TFEC: variants seen among roughly 807,000 people sequenced by gnomAD.
The protein encoded by TFEC is transcription factor EC.
TFEC carries 31 observed loss-of-function variants against 41.6 expected under a neutral mutation model. That is an observed-to-expected ratio of 0.74 (90% CI 0.56 to 1.01). TFEC has a LOEUF of 1.01. Among genes scored for constraint, TFEC ranks in the 50% least tolerant of loss-of-function variants. TFEC has a pLI of 0.00. For synonymous variants in TFEC, 143 were observed against 140.6 expected, an observed-to-expected ratio of 1.02 and a Z score of -0.12; for missense variants, 402 against 404.1, an observed-to-expected ratio of 0.99 and a Z score of 0.04.
intron 1 of TFEC, among the ~76,000 whole-genome samples, chr7:116,151,494 C>T (rs1301725694): frequency 1.3e-5 from 2 of 152,040 alleles, no homozygotes; most frequent in Non-Finnish European, 2.9e-5. Context: ...CCGCCCACCT[C>T]GGCCTCCCAA....
intron 1 of TFEC, among the ~76,000 whole-genome samples, chr7:115,994,711 G>T (rs1217332017): frequency 6.6e-6 from 1 of 152,124 alleles, no homozygotes; most frequent in East Asian, 1.9e-4. Context: ...GTGCTGGAGA[G>T]GATGTGGAGA....
chr7:115,946,040 TTAGA>T (rs764460009), intron 6 of TFEC, among the ~76,000 whole-genome samples: 5 of 151,806 alleles, frequency 3.3e-5, no homozygotes, highest in African/African-American at 9.7e-5. Flanking sequence ...AAAGGAGTCT[TTAGA>T]TAAAGTTTTT....
At chr7:116,093,688 C>T (rs1043931533) in intron 3 of TFEC, among the ~76,000 whole-genome samples, 10 of 152,064 alleles carry the variant, frequency 6.6e-5, no homozygotes, top group African/African-American at 2.4e-4. Context: ...TAGACAAATC[C>T]CTGTCTTCTC....
chr7:115,954,001 TGACCAAGCATTC>T (rs1792083759), intron 5 of TFEC, among the ~76,000 whole-genome samples: 1 of 152,088 alleles, frequency 6.6e-6, no homozygotes. Context: ...ATTTAAGACA[TGACCAAGCATTC>T]TAAAGCTCAG....
rs945164332 is a variant in TFEC, at chr7:115,937,533, C to G, written c.*3018G>C. 1 of 151,658 alleles carries G rather than the reference C, an allele frequency of 6.6e-6. No individual in the cohort carries two copies. Among genetic ancestry groups the G allele is most frequent in the Non-Finnish European group, 1.5e-5 (1 of 67,748 alleles). 9.4% of individuals were successfully genotyped at this position (151,658 alleles called of 1,614,324 possible). On this transcript the variant is annotated 3_prime_UTR_variant, in exon 8 of 8. Coordinates refer to ENST00000265440, the MANE Select transcript of TFEC (RefSeq NM_012252.4). ...GTTATGGTCAGATGTTTATAACACT[C>G]AGTAATTATAGTGAAACTGACCCAT...
rs571543595 is a variant in TFEC, at chr7:115,946,922, A to T, written c.515+3952T>A. ...AGAAAAAAGTTCTCAGTTTTTTTTT[A>T]AATTTATTATTATTATACTTTAAGT... is the stretch of plus-strand genomic sequence containing the variant. On this transcript the variant is annotated intron_variant, in intron 6 of 7. Transcript: ENST00000265440. 1.7e-4 allele frequency among the ~76,000 whole-genome samples: 25 copies of T among 151,122 alleles called. 1 individual carries two copies. The highest frequency in any genetic ancestry group is 3.4e-3 in the Middle Eastern group (1 of 294).
At chr7:115,941,761 G>T in intron 7 of TFEC, 132 bp downstream of exon 7, 1 of 1,236,088 alleles carries the variant, frequency 8.1e-7, no homozygotes, top group Non-Finnish European at 1.1e-6. Context: ...CTTCTAAAAA[G>T]CAGTAAAATT....
chr7:116,151,536 C>T (rs751706160), intron 1 of TFEC, among the ~76,000 whole-genome samples: 2 of 152,074 alleles, frequency 1.3e-5, no homozygotes, highest in Non-Finnish European at 2.9e-5. Flanking sequence ...AGCCACTGTG[C>T]CCAGACCTAG....
At chr7:115,943,994 A>C (rs554811020) in intron 6 of TFEC, among the ~76,000 whole-genome samples, 5 of 107,916 alleles carry the variant, frequency 4.6e-5, no homozygotes, top group Non-Finnish European at 1.0e-4. Context: ...GAAAGAAAAT[A>C]ATACTATGAC....
At chr7:116,043,047 G>GT (rs995201573) in intron 3 of TFEC, among the ~76,000 whole-genome samples, 21 of 152,212 alleles carry the variant, frequency 1.4e-4, no homozygotes, top group Non-Finnish European at 2.8e-4. Context: ...TGCAAAACAG[G>GT]TTTTTTGGGA....
chr7:115,983,298 T>C (rs1235906116), intron 2 of TFEC, among the ~76,000 whole-genome samples: 1 of 152,098 alleles, frequency 6.6e-6, no homozygotes, highest in African/African-American at 2.4e-5. Context: ...ATCTGCCACA[T>C]CCTTATTTTT....
At chr7:115,956,273 T>C (rs912574904) in intron 4 of TFEC, among the ~76,000 whole-genome samples, 1 of 152,030 alleles carries the variant, frequency 6.6e-6, no homozygotes, top group Non-Finnish European at 1.5e-5. Flanking sequence ...ATTTGTTTTT[T>C]ATCAAATTCT....
At chr7:115,974,282 T>C in intron 2 of TFEC, 26 bp from the exon 3 acceptor site, 1 of 1,507,152 alleles carries the variant, frequency 6.6e-7, no homozygotes, top group Non-Finnish European at 8.9e-7. Flanking sequence ...ACATTTAGAA[T>C]ATTGTACATA....
At chr7:116,067,277 TA>T (rs1445813573) in intron 3 of TFEC, among the ~76,000 whole-genome samples, 2 of 152,046 alleles carry the variant, frequency 1.3e-5, no homozygotes, top group Non-Finnish European at 2.9e-5. Context: ...GTAATATTCA[TA>T]GACGTTTCCA....
rs1410550528 is a variant in TFEC, at chr7:115,939,556, C to A, written c.*995G>T. The A allele has an allele frequency of 6.6e-6, 1 of 151,976 alleles. No individual in the cohort carries two copies. Among genetic ancestry groups the A allele is most frequent in the Non-Finnish European group, 1.5e-5 (1 of 67,948 alleles). 9.4% of individuals were successfully genotyped at this position (151,976 alleles called of 1,614,324 possible). On this transcript the variant is annotated 3_prime_UTR_variant, in exon 8 of 8. Coordinates refer to ENST00000265440, the MANE Select transcript of TFEC (RefSeq NM_012252.4). ...AATATTTTATCCATTTGGAGAAAAA[C>A]CAAATCAACAACTAATTGATTTCTG...
intron 3 of TFEC, among the ~76,000 whole-genome samples, chr7:115,973,273 T>G (rs1052485230): frequency 2.6e-5 from 4 of 151,956 alleles, no homozygotes; most frequent in Non-Finnish European, 5.9e-5. Flanking sequence ...AAAAAAGGGA[T>G]GCTTCCACCA....
intron 1 of TFEC, among the ~76,000 whole-genome samples, chr7:115,993,207 C>A (rs1794205077): frequency 6.6e-6 from 1 of 152,132 alleles, no homozygotes; most frequent in African/African-American, 2.4e-5. Flanking sequence ...GGACGTATCT[C>A]AAAATAATAA....
intron 3 of TFEC, among the ~76,000 whole-genome samples, chr7:115,960,141 T>C (rs1320723966): frequency 6.6e-6 from 1 of 151,430 alleles, no homozygotes; most frequent in Non-Finnish European, 1.5e-5. Context: ...GAAAAAAATC[T>C]AAAAGCCTAG....
At chr7:116,100,038 C>T (rs1470628179) in intron 3 of TFEC, among the ~76,000 whole-genome samples, 1 of 152,066 alleles carries the variant, frequency 6.6e-6, no homozygotes, top group African/African-American at 2.4e-5. Context: ...TATACAGAAC[C>T]TAATTTGTAT....
Sources: gnomAD v4.1 joint callset for allele counts (sites outside exome capture counted in the v4.1 genomes callset) on GRCh38, gnomAD v4.1.1 for gene constraint, MANE v1.5 for transcripts, NCBI Gene and HGNC (gene_info 2026-07-23, HGNC 2026-07-21) for gene names.